The following VSIR variants were observed in gnomAD, a reference collection of about 807,000 sequenced individuals.
The protein encoded by VSIR is V-type immunoglobulin domain-containing suppressor of T-cell activation.
VSIR carries 10 observed loss-of-function variants against 31.0 expected under a neutral mutation model. That is an observed-to-expected ratio of 0.32 (90% confidence interval 0.20 to 0.55). The LOEUF (loss-of-function observed/expected upper bound fraction) is 0.55, where lower values mean the gene tolerates loss of function less well. Ranked by LOEUF, VSIR falls within the 20% of genes least tolerant of loss-of-function variation. The pLI is 0.93. For missense variants in VSIR, 356 were observed against 416.2 expected (o/e 0.86, Z 1.26); for synonymous variants, 179 against 180.1 (o/e 0.99, Z 0.05).
At chr10:71,769,835 T>C (rs1162334631) in intron 1 of VSIR, among the ~76,000 whole-genome samples, 1 of 152,242 alleles carries the variant, frequency 6.6e-6, no homozygotes, top group African/African-American at 2.4e-5. Context: ...ACTGTCTTTG[T>C]CTTTGGTGAT....
intron 1 of VSIR, among the ~76,000 whole-genome samples, chr10:71,771,209 T>A (rs1840676315): frequency 6.6e-6 from 1 of 152,084 alleles, no homozygotes; most frequent in Non-Finnish European, 1.5e-5. Flanking sequence ...ACCCTTGAGA[T>A]CTGCTGGGTC....
intron 3 of VSIR, among the ~76,000 whole-genome samples, chr10:71,758,380 G>A (rs1017614214): frequency 1.3e-5 from 2 of 152,210 alleles, no homozygotes; most frequent in Non-Finnish European, 2.9e-5. Flanking sequence ...CACATACAGG[G>A]TATAGAGGGG....
chr10:71,754,746 GAGTA>G (rs1020434680), intron 4 of VSIR, among the ~76,000 whole-genome samples: 28 of 152,318 alleles, frequency 1.8e-4, no homozygotes, highest in African/African-American at 6.3e-4. Flanking sequence ...TTGCAATGAG[GAGTA>G]AGTGAGAGCA....
At chr10:71,764,242 G>C (rs1156793237) in intron 1 of VSIR, among the ~76,000 whole-genome samples, 1 of 152,074 alleles carries the variant, frequency 6.6e-6, no homozygotes, top group Non-Finnish European at 1.5e-5. Context: ...CTACGCTAAG[G>C]GTTTCATGGG....
Position 71,755,460 on chromosome 10 carries a change from G to A in VSIR, c.575C>T (p.Thr192Met), listed in dbSNP as rs140683459. 2.2e-5 allele frequency: 35 copies of A among 1,610,374 alleles called. No homozygotes were observed. The highest frequency in any genetic ancestry group is 2.6e-5 in the Non-Finnish European group (31 of 1,178,514). ...GGCACCCGTAGCCAGGGCTGCAGCC[G>A]TGATGTCTGAAAGGGCAGAGAGGTA... Reference protein sequence around the residue: ...PSSSQDSENITAAALATGACI... With the variant: ...PSSSQDSENIMAAALATGACI... Residue 192 changes from threonine (T) to methionine (M), a missense_variant, in exon 4 of 7, where the codon ACG becomes ATG. Around this residue, in one of 2 missense-constraint regions of VSIR, gnomAD observed 190 missense variants for 185.2 expected, o/e 1.03. Coordinates refer to ENST00000394957, the MANE Select transcript of VSIR (RefSeq NM_022153.2).
intron 1 of VSIR, 34 bp from the exon 2 acceptor site, chr10:71,762,060 T>C (rs760473215): frequency 1.9e-6 from 3 of 1,559,500 alleles, no homozygotes. Context: ...GTCACCTGAC[T>C]GATCCAGTGC....
chr10:71,769,305 C>T (rs879848533), intron 1 of VSIR, among the ~76,000 whole-genome samples: 7 of 152,012 alleles, frequency 4.6e-5, no homozygotes, highest in African/African-American at 7.2e-5. Context: ...TTTCAGACTC[C>T]GAGCCTTCCC....
chr10:71,773,209 G>T, intron 1 of VSIR, 149 bp downstream of exon 1: 1 of 921,318 alleles, frequency 1.1e-6, no homozygotes. Context: ...CTGCCTAGGG[G>T]TCCCAGCAGC....
chr10:71,756,570 A>T (rs9415994), intron 3 of VSIR, among the ~76,000 whole-genome samples: 6,688 of 152,306 alleles, frequency 0.044, 229 homozygotes, highest in African/African-American at 0.091. Flanking sequence ...CTATTGCTAA[A>T]TTGCCCTCCA....
At chr10:71,753,620 C>T (rs150770727) in intron 4 of VSIR, among the ~76,000 whole-genome samples, 23 of 152,314 alleles carry the variant, frequency 1.5e-4, no homozygotes, top group South Asian at 6.2e-4. Context: ...AAGTTGCTGC[C>T]GCTTGCCTCA....
rs777496488 is a variant in VSIR at position 71,759,840 on chromosome 10, CACACACATAT to C, written c.568+1018_568+1027del. On this transcript the variant is annotated intron_variant, in intron 3 of 6. Coordinates refer to ENST00000394957, the MANE Select transcript of VSIR (RefSeq NM_022153.2). ...AAATATACACACACACACACACACA[CACACACATAT>C]ACACACACACACACATATATATACA... Among the ~76,000 whole-genome samples the C allele has an allele frequency of 3.2e-3, 161 of 50,120 alleles. 6 individuals are homozygous for C. Among genetic ancestry groups the C allele is most frequent in the East Asian group, 0.014 (19 of 1,386 alleles). 32.9% of individuals were successfully genotyped at this position (50,120 alleles called of 152,430 possible). A position where few individuals can be genotyped will look rare whatever the true frequency, so the allele number is the denominator to read the frequency against.
rs143683869 is a variant in VSIR, at chr10:71,753,298, C to T, written c.677-296G>A. 8.0e-4 allele frequency among the ~76,000 whole-genome samples: 122 copies of T among 152,368 alleles called. 1 individual carries two copies. Among genetic ancestry groups the T allele is most frequent in the Middle Eastern group, 3.4e-3 (1 of 294 alleles). On this transcript the variant is annotated intron_variant, in intron 4 of 6. Transcript: ENST00000394957. ...CCATCAGGAGACCAAAGGCAGCCAGCGCTTTCTCCTATGGCTTGACTTACA... is the reference window on the plus strand; with the variant it reads ...CCATCAGGAGACCAAAGGCAGCCAGTGCTTTCTCCTATGGCTTGACTTACA...
chr10:71,773,355 T>C lies in VSIR; in HGVS notation c.82+3A>G. On this transcript the variant is annotated splice_donor_region_variant and intron_variant, in intron 1 of 6. Coordinates refer to ENST00000394957, the MANE Select transcript of VSIR (RefSeq NM_022153.2). ...CCCAGCGCCCCGCCTCCCCCGACCT[T>C]ACCTAGGGACGCAGCCAGGAAGAGA... 4 of 1,605,588 alleles carry C rather than the reference T, an allele frequency of 2.5e-6. No homozygotes were observed. Among genetic ancestry groups the C allele is most frequent in the East Asian group, 4.5e-5 (2 of 44,222 alleles).
In VSIR at chr10:71,759,915, A is replaced by ATATACACACACACG. The variant is rs1564779327; in HGVS notation, c.568+952_568+953insCGTGTGTGTGTATA. ...CACACACACATATATACACACACAC[A>ATATACACACACACG]TATATACACACACACATATATACAC... On this transcript the variant is annotated intron_variant, in intron 3 of 6. Transcript: ENST00000394957. Among the ~76,000 whole-genome samples the ATATACACACACACG allele has an allele frequency of 2.9e-3, 208 of 70,630 alleles. 7 individuals are homozygous for ATATACACACACACG. Among genetic ancestry groups the ATATACACACACACG allele is most frequent in the African/African-American group, 8.5e-3 (192 of 22,516 alleles). 46.3% of individuals were successfully genotyped at this position (70,630 alleles called of 152,430 possible).
intron 4 of VSIR, 82 bp downstream of exon 4, chr10:71,755,277 T>G (rs1840103560): frequency 2.3e-6 from 3 of 1,279,858 alleles, no homozygotes; most frequent in Non-Finnish European, 3.3e-6. Flanking sequence ...CATCGTGCCT[T>G]TGCGAATCCC....
In VSIR at chr10:71,750,965, C is replaced by T. The variant is rs1839983508; in HGVS notation, c.*288G>A. ...TGCTGAAGGGCTGGACGTTCTGAGA[C>T]TTCTTAAGATGTAAGTCATTTGGCA... On this transcript the variant is annotated 3_prime_UTR_variant, in exon 7 of 7. Coordinates refer to ENST00000394957, the MANE Select transcript of VSIR (RefSeq NM_022153.2). 2 of 400,612 alleles carry T rather than the reference C, an allele frequency of 5.0e-6. No individual in the cohort carries two copies. Among genetic ancestry groups the T allele is most frequent in the Non-Finnish European group, 9.0e-6 (2 of 222,812 alleles). 24.8% of individuals were successfully genotyped at this position (400,612 alleles called of 1,614,324 possible). A position where few individuals can be genotyped will look rare whatever the true frequency, so the allele number is the denominator to read the frequency against.
intron 5 of VSIR, among the ~76,000 whole-genome samples, chr10:71,752,421 C>T (rs1196500962): frequency 6.6e-6 from 1 of 152,174 alleles, no homozygotes; most frequent in Non-Finnish European, 1.5e-5. Context: ...GTTGCAGGTA[C>T]CGGGGCAGGA....
chr10:71,756,395 T>C (rs552567443), intron 3 of VSIR, among the ~76,000 whole-genome samples: 2 of 152,334 alleles, frequency 1.3e-5, no homozygotes, highest in African/African-American at 4.8e-5. Flanking sequence ...ACTAAATTTA[T>C]TGAAGCAGTC....
In VSIR at chr10:71,751,792, T is replaced by G. The variant is rs1264344847; in HGVS notation, c.774A>C (p.Lys258Asn). 6.3e-7 allele frequency: 1 copy of G among 1,598,782 alleles called. No individual in the cohort carries two copies. Among genetic ancestry groups the G allele is most frequent in the Non-Finnish European group, 8.5e-7 (1 of 1,172,340 alleles). Residue 258 changes from lysine (K) to asparagine (N), a missense_variant, in exon 6 of 7, where the codon AAA becomes AAC. Physicochemically the swap from Lys to Asn is moderately conservative, Grantham distance 94. Transcript: ENST00000394957. The surrounding 1 kb of genome is among the most constrained non-coding windows in gnomAD (Gnocchi z 4.9). ...SPPAQGIPEA[K>N]VRHPLSYVAQ... ...CCACATAGGACAGGGGGTGCCTGACTTTGGCCTCGGGTATCCCCTGGGCAG... is the reference window on the plus strand; with the variant it reads ...CCACATAGGACAGGGGGTGCCTGACGTTGGCCTCGGGTATCCCCTGGGCAG...
Sources: allele counts gnomAD v4.1 joint callset (sites outside exome capture counted in the v4.1 genomes callset), GRCh38; gene constraint gnomAD v4.1.1; regional missense constraint gnomAD v4.1.1; non-coding constraint Gnocchi (gnomAD v3.1); transcripts MANE v1.5; gene names NCBI Gene and HGNC (gene_info 2026-07-23, HGNC 2026-07-21).